Variants in RTL4 observed in about 807,000 individuals in gnomAD.
RTL4 encodes the protein retrotransposon Gag like 4, also known as retrotransposon Gag-like protein 4.
RTL4 carries 4 observed loss-of-function variants against 5.3 expected under a neutral mutation model. The observed-to-expected ratio is 0.75, with a 90% confidence interval of 0.37 to 1.72. The LOEUF (loss-of-function observed/expected upper bound fraction) is 1.72. RTL4 is among the 40% of genes most tolerant of loss of function. RTL4 has a pLI of 0.04. For missense variants in RTL4, 260 were observed against 227.1 expected (o/e 1.14, Z -0.93); for synonymous variants, 98 against 87.3 (o/e 1.12, Z -0.68).
the RTL4 span, among the ~76,000 whole-genome samples, chrX:112,331,120 C>CCAAAAGCAATGGCAA: frequency 9.8e-6 from 1 of 101,603 alleles, no homozygotes; most frequent in Admixed American, 1.1e-4. Flanking sequence ...GTCTAAAACA[C>CCAAAAGCAATGGCAA]CAAAAGCAAT....
the RTL4 span, among the ~76,000 whole-genome samples, chrX:112,232,529 A>G: frequency 8.9e-6 from 1 of 111,995 alleles, no homozygotes; most frequent in Non-Finnish European, 1.9e-5. Flanking sequence ...ACTGACCCAA[A>G]CAGAATTACC....
At chrX:112,381,116 C>T in the RTL4 span, among the ~76,000 whole-genome samples, 16 of 111,000 alleles carry the variant, frequency 1.4e-4, no homozygotes, top group African/African-American at 5.2e-4. Flanking sequence ...GAGCACCGAA[C>T]GGATAAACTA....
chrX:112,352,590 C>G, the RTL4 span, among the ~76,000 whole-genome samples: 5 of 111,327 alleles, frequency 4.5e-5, no homozygotes, highest in Non-Finnish European at 9.4e-5. Context: ...AAAGGATTCC[C>G]TATTTAATAA....
At chrX:112,344,707 C>G in the RTL4 span, among the ~76,000 whole-genome samples, 1 of 112,014 alleles carries the variant, frequency 8.9e-6, no homozygotes, top group Non-Finnish European at 1.9e-5. Context: ...ACTTTTTATT[C>G]ACAAAATTGG....
the RTL4 span, among the ~76,000 whole-genome samples, chrX:112,153,539 G>A: frequency 2.7e-5 from 3 of 111,771 alleles, no homozygotes; most frequent in Non-Finnish European, 3.8e-5. Context: ...TTTGCTGTCT[G>A]CAAGAATTTT....
chrX:112,127,700 A>G, the RTL4 span, among the ~76,000 whole-genome samples: 1 of 112,266 alleles, frequency 8.9e-6, no homozygotes, highest in Non-Finnish European at 1.9e-5. Flanking sequence ...AAAAATTGCT[A>G]GAACTAATAA....
chrX:112,326,030 A>G, the RTL4 span, among the ~76,000 whole-genome samples: 1 of 112,410 alleles, frequency 8.9e-6, no homozygotes, highest in Admixed American at 9.4e-5. Context: ...TATGCAGCCA[A>G]CAGACACATG....
chrX:112,384,273 G>A, the RTL4 span, among the ~76,000 whole-genome samples: 1 of 112,250 alleles, frequency 8.9e-6, no homozygotes, highest in South Asian at 3.7e-4. Flanking sequence ...TAGCCATGAA[G>A]TCTTTGCCCA....
the RTL4 span, among the ~76,000 whole-genome samples, chrX:112,448,177 C>A: frequency 8.9e-6 from 1 of 112,029 alleles, no homozygotes; most frequent in Middle Eastern, 4.6e-3. Context: ...CAGGAAAAGA[C>A]CTTTTATTTC....
At chrX:112,278,359 A>G in the RTL4 span, among the ~76,000 whole-genome samples, 2 of 112,097 alleles carry the variant, frequency 1.8e-5, no homozygotes, top group Admixed American at 1.9e-4. Context: ...TCAGGCCTTT[A>G]CCTCTAGGTA....
chrX:112,220,812 G>A, the RTL4 span, among the ~76,000 whole-genome samples: 2 of 111,628 alleles, frequency 1.8e-5, no homozygotes, highest in Admixed American at 9.5e-5. Context: ...ATCTGAGATC[G>A]CCTCAGCCTA....
At chrX:112,398,891 C>A in the RTL4 span, among the ~76,000 whole-genome samples, 2 of 111,881 alleles carry the variant, frequency 1.8e-5, no homozygotes, top group African/African-American at 6.5e-5. Context: ...GTTATTATTT[C>A]TTTTTTAAAT....
the RTL4 span, among the ~76,000 whole-genome samples, chrX:112,144,854 G>A: frequency 9.0e-6 from 1 of 111,626 alleles, no homozygotes; most frequent in East Asian, 2.8e-4. Context: ...CCTAGGACAA[G>A]TTCCCTCACT....
the RTL4 span, among the ~76,000 whole-genome samples, chrX:112,160,900 G>C: frequency 9.2e-6 from 1 of 109,226 alleles, no homozygotes; most frequent in Non-Finnish European, 1.9e-5. Flanking sequence ...TTTAGGGAAA[G>C]GGATAAAGGT....
At chrX:112,148,062 C>A in the RTL4 span, among the ~76,000 whole-genome samples, 1 of 111,232 alleles carries the variant, frequency 9.0e-6, no homozygotes, top group East Asian at 2.8e-4. Flanking sequence ...AGGACCTGGT[C>A]AGCCAACATA....
chrX:112,339,906 T>G, the RTL4 span, among the ~76,000 whole-genome samples: 1 of 112,613 alleles, frequency 8.9e-6, no homozygotes, highest in Non-Finnish European at 1.9e-5. Context: ...GAAAGCAACA[T>G]TAGTTAATAT....
the RTL4 span, among the ~76,000 whole-genome samples, chrX:112,320,935 A>G: frequency 8.9e-6 from 1 of 111,813 alleles, no homozygotes; most frequent in Non-Finnish European, 1.9e-5. Flanking sequence ...GAGTAGGGGC[A>G]TATGTGTAGC....
chrX:112,111,293 GTCTCTGTCTCTTCC>G, the RTL4 span, among the ~76,000 whole-genome samples: 2 of 108,117 alleles, frequency 1.8e-5, no homozygotes, highest in Admixed American at 2.0e-4. Context: ...CTCCCTCTTT[GTCTCTGTCTCTTCC>G]TCTCTGTCTC....
chrX:112,309,131 A>C, the RTL4 span, among the ~76,000 whole-genome samples: 7 of 111,837 alleles, frequency 6.3e-5, no homozygotes, highest in Non-Finnish European at 1.3e-4. Flanking sequence ...AAAATACCAT[A>C]GACTGGGTAG....
Sources: gnomAD v4.1 joint callset for allele counts (sites outside exome capture counted in the v4.1 genomes callset) on GRCh38, gnomAD v4.1.1 for gene constraint, MANE v1.5 for transcripts, NCBI Gene and HGNC (gene_info 2026-07-23, HGNC 2026-07-21) for gene names.